The following SUN1 variants were observed in gnomAD, a reference collection of about 807,000 sequenced individuals.
SUN1 encodes the protein Sad1 and UNC84 domain containing 1.
Under a neutral mutation model 103.2 loss-of-function variants are expected in SUN1, and 61 were observed. That is an observed-to-expected ratio of 0.59 (90% CI 0.48 to 0.73). The LOEUF (loss-of-function observed/expected upper bound fraction) is 0.73. SUN1 is among the 30% of genes least tolerant of loss of function. SUN1 has a pLI of 0.00. For missense variants in SUN1, 1,052 were observed against 1,034.6 expected, an observed-to-expected ratio of 1.02 and a Z score of -0.23; for synonymous variants, 490 against 425.7, an observed-to-expected ratio of 1.15 and a Z score of -1.86.
chr7:846,598 G>C (rs1310394006), intron 5 of SUN1, among the ~76,000 whole-genome samples: 1 of 152,016 alleles, frequency 6.6e-6, no homozygotes. Context: ...AAATAGGCTG[G>C]GTACTGTGGC....
upstream of SUN1, among the ~76,000 whole-genome samples, chr7:831,351 A>G (rs1287968703): frequency 6.7e-6 from 1 of 150,350 alleles, no homozygotes; most frequent in Non-Finnish European, 1.5e-5. Flanking sequence ...GGCTCACTGC[A>G]AGCTCCGCCT....
chr7:816,346 C>T, upstream of SUN1: 1 of 215,888 alleles, frequency 4.6e-6, no homozygotes, highest in Non-Finnish European at 9.4e-6. Context: ...AGGCCTTTCC[C>T]CCGAATGCAG....
rs764023570 is a variant in SUN1, at chr7:843,438, C to T, written c.576C>T (p.Ser192=). The change falls in exon 5 of 19, where the codon TCC becomes TCT. Residue 192 remains serine, a synonymous_variant. Transcript: ENST00000401592. ...GFSCSNCSML[S]ERKDVLTAHP... ...CCTGCAGCAACTGCAGCATGCTGTC[C>T]GAGCGCAAGGACGTGCTCACGGCGC... is the stretch of plus-strand genomic sequence containing the variant. The T allele has an allele frequency of 3.3e-5, 53 of 1,614,014 alleles. 1 individual carries two copies. The highest frequency in any genetic ancestry group is 3.2e-4 in the South Asian group (29 of 91,076).
chr7:873,285 A>G lies in SUN1; in HGVS notation c.2312A>G (p.Tyr771Cys), dbSNP rs1842943417. 5.6e-6 allele frequency: 9 copies of G among 1,614,246 alleles called. No individual in the cohort carries two copies. Among genetic ancestry groups the G allele is most frequent in the Non-Finnish European group, 7.6e-6 (9 of 1,180,044 alleles). Reference protein sequence around the residue: ...RIFSNWGHPEYTCLYRFRVHG... With the variant: ...RIFSNWGHPECTCLYRFRVHG... ...TTTTCTAACTGGGGCCATCCTGAGT[A>G]TACCTGTCTGTATCGGTTCAGAGTT... is the stretch of plus-strand genomic sequence containing the variant. The change falls in exon 19 of 19, where the codon TAT becomes TGT. Residue 771 changes from tyrosine to cysteine, a missense_variant. Coordinates refer to ENST00000401592, the MANE Select transcript of SUN1 (RefSeq NM_001130965.3).
At chr7:858,338 A>G (rs936317567) in intron 13 of SUN1, among the ~76,000 whole-genome samples, 1 of 152,088 alleles carries the variant, frequency 6.6e-6, no homozygotes, top group Non-Finnish European at 1.5e-5. Flanking sequence ...TACAGGCCTG[A>G]GCCACCCACC....
At position 857,410 on chromosome 7, in the gene SUN1, A is replaced by T. The variant is rs558138844; in HGVS notation, c.1395-418A>T. 7.9e-5 allele frequency among the ~76,000 whole-genome samples: 12 copies of T among 152,316 alleles called. No individual in the cohort carries two copies. In the East Asian group the frequency reaches 1.5e-3, roughly 20 times the overall value. On this transcript the variant is annotated intron_variant, in intron 12 of 18. Transcript: ENST00000401592. ...AGATATGAATTGTTAGTATCTCAAC[A>T]AGTATGTGTGCCTGTAAAGACCTCA...
intron 1 of SUN1, 147 bp downstream of exon 1, chr7:832,748 C>G (rs1196492557): frequency 5.9e-6 from 4 of 680,226 alleles, no homozygotes; most frequent in East Asian, 5.5e-5. Context: ...TATCTTATGG[C>G]TTTAGAGGTG....
At chr7:855,949 G>A (rs1826860866) in intron 11 of SUN1, among the ~76,000 whole-genome samples, 2 of 152,344 alleles carry the variant, frequency 1.3e-5, no homozygotes, top group South Asian at 2.1e-4. Flanking sequence ...TCCATGGAGT[G>A]AGACTTGGGG....
rs144580770 is a variant in SUN1, at chr7:868,193, C to T, written c.1981-1156C>T. ...GTCCTCACACACTGAAGGCAGGCTGCGTGCACGGTCTCCTCCTCCGTTGCG... is the reference window on the plus strand; with the variant it reads ...GTCCTCACACACTGAAGGCAGGCTGTGTGCACGGTCTCCTCCTCCGTTGCG... On this transcript the variant is annotated intron_variant, in intron 16 of 18. Coordinates refer to ENST00000401592, the MANE Select transcript of SUN1 (RefSeq NM_001130965.3). Among the ~76,000 whole-genome samples, 3 of 152,346 alleles carry T rather than the reference C, an allele frequency of 2.0e-5. No homozygotes were observed. In the East Asian group the frequency reaches 5.8e-4, roughly 29 times the overall value.
chr7:833,485 A>G (rs575920112), intron 1 of SUN1, among the ~76,000 whole-genome samples: 1 of 151,810 alleles, frequency 6.6e-6, no homozygotes, highest in African/African-American at 2.4e-5. Flanking sequence ...TAATTTTTGT[A>G]TTTTTAATAG....
At position 860,282 on chromosome 7, in the gene SUN1, G is replaced by A. The variant is rs374707736; in HGVS notation, c.1679G>A (p.Arg560Gln). 8.1e-6 allele frequency: 13 copies of A among 1,614,102 alleles called. No homozygotes were observed. The Admixed American group carries it at 1.0e-4, about 12-fold the overall frequency. The change falls in exon 14 of 19, where the codon CGG becomes CAG. Residue 560 changes from arginine (R) to glutamine (Q), a missense_variant. Coordinates refer to ENST00000401592, the MANE Select transcript of SUN1 (RefSeq NM_001130965.3). Reference protein sequence around the residue: ...MLRDLQLQILRNVTHHVSVTK... With the variant: ...MLRDLQLQILQNVTHHVSVTK... ...CGAGACCTGCAGCTGCAGATCCTGC[G>A]GAACGTCACCCACCACGTTTCCGTG...
At chr7:855,352 T>C (rs935326724) in intron 11 of SUN1, among the ~76,000 whole-genome samples, 2 of 152,232 alleles carry the variant, frequency 1.3e-5, no homozygotes, top group Admixed American at 6.5e-5. Context: ...TGCAGTGTCT[T>C]CAGAGGGGGG....
At chr7:853,681 T>C in intron 10 of SUN1, 63 bp downstream of exon 10, 4 of 1,550,262 alleles carry the variant, frequency 2.6e-6, no homozygotes, top group Non-Finnish European at 8.7e-7. Flanking sequence ...TGCCATGTTC[T>C]CTCCTTTTGG....
chr7:868,049 G>A (rs1838435025), intron 16 of SUN1, among the ~76,000 whole-genome samples: 2 of 152,224 alleles, frequency 1.3e-5, no homozygotes, highest in Admixed American at 6.5e-5. Context: ...TTCACAGCGC[G>A]GTAGAAGACG....
intron 10 of SUN1, among the ~76,000 whole-genome samples, chr7:854,373 G>A (rs762780617): frequency 2.6e-5 from 4 of 152,228 alleles, no homozygotes; most frequent in Non-Finnish European, 5.9e-5. Flanking sequence ...GGAGGATGCC[G>A]CTACTCACAT....
chr7:824,032 A>G (rs1042236296), intron 1 of SUN1, among the ~76,000 whole-genome samples: 1 of 152,246 alleles, frequency 6.6e-6, no homozygotes, highest in African/African-American at 2.4e-5. Context: ...GCTTAGGGAA[A>G]GTCTTTCTAA....
rs1842986928 is a variant in SUN1 at position 873,424 on chromosome 7, G to A, written c.*93G>A. The A allele has an allele frequency of 2.5e-6, 3 of 1,183,160 alleles. No individual in the cohort carries two copies. Among genetic ancestry groups the A allele is most frequent in the Non-Finnish European group, 3.7e-6 (3 of 803,254 alleles). 73.3% of individuals were successfully genotyped at this position (1,183,160 alleles called of 1,614,324 possible). A position where few individuals can be genotyped will look rare whatever the true frequency, so the allele number is the denominator to read the frequency against. On this transcript the variant is annotated 3_prime_UTR_variant, in exon 19 of 19. Transcript: ENST00000401592. ...ATGGACGAGGGCATATACAATGATG[G>A]GACAGTGCCACACTCCTTCAATAAA...
intron 13 of SUN1, 109 bp from the exon 14 acceptor site, chr7:860,019 G>A (rs1830970456): frequency 2.1e-5 from 29 of 1,369,562 alleles, no homozygotes; most frequent in Non-Finnish European, 2.5e-5. Context: ...TGACATTCTA[G>A]ATTTTGAGAG....
At chr7:867,006 G>A (rs1174734046) in intron 16 of SUN1, among the ~76,000 whole-genome samples, 1 of 152,128 alleles carries the variant, frequency 6.6e-6, no homozygotes, top group Non-Finnish European at 1.5e-5. Context: ...ATAATTACTT[G>A]TATGTGGAAC....
Sources: gnomAD v4.1 joint callset for allele counts (sites outside exome capture counted in the v4.1 genomes callset) on GRCh38, gnomAD v4.1.1 for gene constraint, MANE v1.5 for transcripts, NCBI Gene and HGNC (gene_info 2026-07-23, HGNC 2026-07-21) for gene names.